The following HELZ variants were observed in gnomAD, a reference collection of about 807,000 sequenced individuals.
The protein encoded by HELZ is helicase with zinc finger, also known as ATP-dependent RNA helicase with zinc finger domain.
Under a neutral mutation model 218.2 loss-of-function variants are expected in HELZ, and 23 were observed. The observed-to-expected ratio is 0.11, with a 90% CI of 0.08 to 0.15. The LOEUF (loss-of-function observed/expected upper bound fraction) is 0.15. HELZ is among the 10% of genes least tolerant of loss of function. HELZ has a pLI of 1.00. For synonymous variants in HELZ, 814 were observed against 829.4 expected (o/e 0.98, Z 0.32); for missense variants, 1,813 against 2,353.7 (o/e 0.77, Z 4.75).
intron 10 of HELZ, 87 bp downstream of exon 10, chr17:67,190,070 A>G: frequency 3.5e-6 from 4 of 1,155,932 alleles, no homozygotes; most frequent in Non-Finnish European, 3.8e-6. Flanking sequence ...AGATAAGGAA[A>G]TAAACCAAAA....
intron 21 of HELZ, among the ~76,000 whole-genome samples, chr17:67,143,294 A>G (rs745688640): frequency 1.8e-4 from 28 of 151,956 alleles, no homozygotes; most frequent in African/African-American, 5.3e-4. Flanking sequence ...CTCCCTTCCA[A>G]CTGAATTTTT....
chr17:67,144,800 G>A (rs2038443652), intron 21 of HELZ, among the ~76,000 whole-genome samples: 1 of 151,974 alleles, frequency 6.6e-6, no homozygotes, highest in Non-Finnish European at 1.5e-5. Flanking sequence ...GTGCAAAAAC[G>A]ATAAAGGAGA....
intron 26 of HELZ, 36 bp from the exon 27 acceptor site, chr17:67,120,648 A>G: frequency 1.3e-6 from 2 of 1,500,760 alleles, no homozygotes; most frequent in Non-Finnish European, 1.9e-6. Flanking sequence ...TGCATTAAGT[A>G]TATTTTGGAA....
chr17:67,156,293 T>A (rs1368288838), intron 17 of HELZ, among the ~76,000 whole-genome samples: 1 of 152,120 alleles, frequency 6.6e-6, no homozygotes, highest in Admixed American at 6.5e-5. Flanking sequence ...ATTTAACCTG[T>A]CACTTACAGG....
rs184133662 is a variant in HELZ, at chr17:67,186,966, T to C, written c.1162+1353A>G. On this transcript the variant is annotated intron_variant, in intron 12 of 32. Coordinates refer to ENST00000358691, the MANE Select transcript of HELZ (RefSeq NM_014877.4). ...CAAATGTAGCCATTGTTTTTGAAAATAAAGTTTTATTGGAACACAGTCACA... is the reference window on the plus strand; with the variant it reads ...CAAATGTAGCCATTGTTTTTGAAAACAAAGTTTTATTGGAACACAGTCACA... 1.9e-3 allele frequency among the ~76,000 whole-genome samples: 294 copies of C among 152,220 alleles called. 1 individual carries two copies. The highest frequency in any genetic ancestry group is 0.014 in the Middle Eastern group (4 of 294).
chr17:67,205,155 C>T (rs2040263481), intron 5 of HELZ, among the ~76,000 whole-genome samples: 1 of 151,810 alleles, frequency 6.6e-6, no homozygotes, highest in Non-Finnish European at 1.5e-5. Context: ...GGTGAAACCC[C>T]GTCTCTACTA....
In HELZ at chr17:67,092,826, G is replaced by T. The variant is rs531857827; in HGVS notation, c.5242-5745C>A. Among the ~76,000 whole-genome samples the T allele has an allele frequency of 8.5e-5, 13 of 152,088 alleles. No individual in the cohort carries two copies. In the East Asian group the frequency reaches 2.1e-3, roughly 25 times the overall value. ...CTAAAAATATAAGAATTAGCCGGGA[G>T]TGGTGGCGGGTGACTGTAATCCCAG... is the stretch of plus-strand genomic sequence containing the variant. On this transcript the variant is annotated intron_variant, in intron 31 of 32. Transcript: ENST00000358691.
chr17:67,171,833 TTTTG>T (rs1390420802), intron 13 of HELZ, among the ~76,000 whole-genome samples: 1 of 146,668 alleles, frequency 6.8e-6, no homozygotes, highest in Non-Finnish European at 1.5e-5. Flanking sequence ...TTTTGTTTTG[TTTTG>T]TTTTTTTTTT....
chr17:67,139,921 AC>A (rs1410600445), intron 21 of HELZ, among the ~76,000 whole-genome samples: 3 of 152,048 alleles, frequency 2.0e-5, no homozygotes, highest in Non-Finnish European at 2.9e-5. Flanking sequence ...GTGGTACCCA[AC>A]CCCCATCTCC....
intron 3 of HELZ, among the ~76,000 whole-genome samples, chr17:67,229,578 A>ACTAAAACCATTCC (rs2040982974): frequency 6.6e-6 from 1 of 152,196 alleles, no homozygotes; most frequent in African/African-American, 2.4e-5. Context: ...ACAACCATTC[A>ACTAAAACCATTCC]ATTCACTAAA....
At chr17:67,149,190 T>C (rs1329312609) in intron 19 of HELZ, among the ~76,000 whole-genome samples, 3 of 152,200 alleles carry the variant, frequency 2.0e-5, no homozygotes, top group Non-Finnish European at 1.5e-5. Flanking sequence ...TTATGCCTTT[T>C]ACTACTAAAG....
chr17:67,164,109 G>T (rs1032927331), intron 15 of HELZ, among the ~76,000 whole-genome samples: 1 of 152,114 alleles, frequency 6.6e-6, no homozygotes, highest in African/African-American at 2.4e-5. Flanking sequence ...TGCCGAATAT[G>T]AATAATATGT....
At chr17:67,233,533 C>G (rs1019792967) in intron 3 of HELZ, among the ~76,000 whole-genome samples, 1 of 152,118 alleles carries the variant, frequency 6.6e-6, no homozygotes, top group Non-Finnish European at 1.5e-5. Flanking sequence ...AATCTTGAAG[C>G]TTCCATGTTG....
intron 22 of HELZ, among the ~76,000 whole-genome samples, chr17:67,137,343 C>G (rs1172620588): frequency 6.6e-6 from 1 of 152,184 alleles, no homozygotes; most frequent in African/African-American, 2.4e-5. Flanking sequence ...AAAATGCTCA[C>G]CTAAATTCTG....
chr17:67,145,954 GAA>G, intron 20 of HELZ, 64 bp from the exon 21 acceptor site: 1 of 1,272,684 alleles, frequency 7.9e-7, no homozygotes, highest in South Asian at 1.5e-5. Flanking sequence ...TCACCCATAA[GAA>G]AAAAAAAATC....
At chr17:67,214,288 CAG>C (rs2040537732) in intron 5 of HELZ, among the ~76,000 whole-genome samples, 1 of 98,434 alleles carries the variant, frequency 1.0e-5, no homozygotes, top group Non-Finnish European at 1.9e-5. Context: ...TTTTTTGAGA[CAG>C]AGTCTCACTC....
intron 4 of HELZ, 42 bp downstream of exon 4, chr17:67,218,553 T>C: frequency 6.8e-7 from 1 of 1,472,476 alleles, no homozygotes; most frequent in Non-Finnish European, 9.5e-7. Flanking sequence ...AAAAGGCCAT[T>C]TTACATAGTT....
chr17:67,214,257 TTC>T (rs370236998), intron 5 of HELZ, among the ~76,000 whole-genome samples: 1 of 133,274 alleles, frequency 7.5e-6, no homozygotes, highest in Non-Finnish European at 1.7e-5. Flanking sequence ...AAATTAATAT[TTC>T]TTTTTTTTTT....
chr17:67,128,412 C>T, intron 24 of HELZ: 1 of 524,682 alleles, frequency 1.9e-6, no homozygotes, highest in Non-Finnish European at 3.4e-6. Context: ...ATAAATGATA[C>T]CAGAAGTTAT....
Sources: allele counts gnomAD v4.1 joint callset (sites outside exome capture counted in the v4.1 genomes callset), GRCh38; gene constraint gnomAD v4.1.1; transcripts MANE v1.5; gene names NCBI Gene and HGNC (gene_info 2026-07-23, HGNC 2026-07-21).